The following GRXCR2 variants were observed in gnomAD, a reference collection of about 807,000 sequenced individuals.
The protein encoded by GRXCR2 is glutaredoxin domain-containing cysteine-rich protein 2.
GRXCR2 carries 23 observed loss-of-function variants against 24.8 expected under a neutral mutation model. That is an observed-to-expected ratio of 0.93 (90% CI 0.67 to 1.32). The LOEUF (loss-of-function observed/expected upper bound fraction) is 1.32. Among genes scored for constraint, GRXCR2 ranks in the 40% most tolerant of loss-of-function variants. The probability of loss-of-function intolerance (pLI) is 0.00; values close to 1 mark genes in which losing one functional copy is unlikely to be tolerated. For missense variants in GRXCR2, 315 were observed against 303.4 expected (o/e 1.04, Z -0.28); for synonymous variants, 130 against 116.1 (o/e 1.12, Z -0.77).
chr5:145,926,595 G>A (rs960421314), intron 2 of GRXCR2, among the ~76,000 whole-genome samples: 2 of 152,032 alleles, frequency 1.3e-5, no homozygotes, highest in African/African-American at 2.4e-5. Context: ...ATATCTCTGT[G>A]TTGGTACCAG....
At chr5:145,895,129 G>A (rs56328607) in intron 2 of GRXCR2, among the ~76,000 whole-genome samples, 1,557 of 152,050 alleles carry the variant, frequency 0.01, 32 homozygotes, top group African/African-American at 0.035. Flanking sequence ...TTGATGGGAC[G>A]TATCTCAAAA....
At chr5:145,899,154 T>C (rs1756991303) in intron 2 of GRXCR2, among the ~76,000 whole-genome samples, 1 of 152,054 alleles carries the variant, frequency 6.6e-6, no homozygotes, top group African/African-American at 2.4e-5. Flanking sequence ...CAATCCCATT[T>C]ACAATAGCCA....
At chr5:145,903,039 T>C (rs1456445239) in intron 2 of GRXCR2, among the ~76,000 whole-genome samples, 4 of 152,178 alleles carry the variant, frequency 2.6e-5, no homozygotes, top group African/African-American at 9.7e-5. Context: ...TATGATTTTT[T>C]GCCTTAGAAC....
upstream of GRXCR2, among the ~76,000 whole-genome samples, chr5:145,875,111 G>C (rs1242152462): frequency 6.6e-6 from 1 of 152,158 alleles, no homozygotes; most frequent in Non-Finnish European, 1.5e-5. Flanking sequence ...GTCAGAAGTT[G>C]TCCTTACTAT....
chr5:145,877,754 G>A (rs180945932), upstream of GRXCR2, among the ~76,000 whole-genome samples: 334 of 152,326 alleles, frequency 2.2e-3, 2 homozygotes, highest in African/African-American at 7.5e-3. Context: ...AAAGCAGGGC[G>A]GGGCATTCCC....
rs965136657 is a variant in GRXCR2, at chr5:145,903,039, TG to T, written c.-70+32661del. ...ACTCCTACATATCCCTATGATTTTT[TG>T]CCTTAGAACAAATAAGCACTGACTA... On this transcript the variant is annotated intron_variant, in intron 2 of 3. Coordinates refer to the GRXCR2 transcript ENST00000639411. 2.6e-4 allele frequency among the ~76,000 whole-genome samples: 40 copies of T among 152,296 alleles called. No homozygotes were observed. In the East Asian group the frequency reaches 7.5e-3, roughly 29 times the overall value.
chr5:145,894,086 G>A (rs1446827461), intron 2 of GRXCR2, among the ~76,000 whole-genome samples: 9 of 151,966 alleles, frequency 5.9e-5, no homozygotes, highest in Non-Finnish European at 1.2e-4. Flanking sequence ...TGAAACCAAC[G>A]AGAACAAAGA....
At chr5:145,862,467 C>A (rs1756354954) in intron 2 of GRXCR2, among the ~76,000 whole-genome samples, 1 of 152,192 alleles carries the variant, frequency 6.6e-6, no homozygotes, top group African/African-American at 2.4e-5. Flanking sequence ...TTAATAAGCA[C>A]CACTCTATAC....
chr5:145,875,452 A>T (rs148988261), upstream of GRXCR2, among the ~76,000 whole-genome samples: 1 of 151,910 alleles, frequency 6.6e-6, no homozygotes, highest in Non-Finnish European at 1.5e-5. Flanking sequence ...GGGAGGCTAG[A>T]GCAGGAGAAT....
chr5:145,884,783 C>A (rs1166108692), intron 2 of GRXCR2, among the ~76,000 whole-genome samples: 1 of 152,052 alleles, frequency 6.6e-6, no homozygotes, highest in Non-Finnish European at 1.5e-5. Flanking sequence ...AAAAAATATT[C>A]ACAGACACCT....
intron 2 of GRXCR2, among the ~76,000 whole-genome samples, chr5:145,894,279 A>C (rs1056116249): frequency 3.9e-5 from 6 of 152,228 alleles, no homozygotes. Context: ...GAAATAACTA[A>C]GATCAGAGCA....
intron 2 of GRXCR2, among the ~76,000 whole-genome samples, chr5:145,917,825 G>A (rs1757262005): frequency 6.6e-6 from 1 of 152,168 alleles, no homozygotes; most frequent in Non-Finnish European, 1.5e-5. Flanking sequence ...TTGTCACCAG[G>A]CTGGAGGGCA....
chr5:145,879,900 C>T (rs141231750), intron 2 of GRXCR2, among the ~76,000 whole-genome samples: 2,070 of 152,192 alleles, frequency 0.014, 59 homozygotes, highest in African/African-American at 0.047. Context: ...CACTCAAAAC[C>T]GCACAACTAC....
intron 2 of GRXCR2, among the ~76,000 whole-genome samples, chr5:145,865,405 G>A (rs1756412597): frequency 6.6e-6 from 1 of 152,178 alleles, no homozygotes; most frequent in Non-Finnish European, 1.5e-5. Flanking sequence ...GGTTTCCAAG[G>A]TGGTGCGTGC....
Position 145,893,851 on chromosome 5 carries a change from T to C in GRXCR2, c.-69-27123A>G, listed in dbSNP as rs140770398. 5.0e-3 allele frequency among the ~76,000 whole-genome samples: 761 copies of C among 152,158 alleles called. 6 individuals carry two copies. The highest frequency in any genetic ancestry group is 0.017 in the African/African-American group (714 of 41,524). ...ATGCATTCTTTTCAGCACCACACCATACCTATTCCAAAATTGACCACATAG... is the reference window on the plus strand; with the variant it reads ...ATGCATTCTTTTCAGCACCACACCACACCTATTCCAAAATTGACCACATAG... On this transcript the variant is annotated intron_variant, in intron 2 of 3. Coordinates refer to the GRXCR2 transcript ENST00000639411.
intron 2 of GRXCR2, among the ~76,000 whole-genome samples, chr5:145,928,172 T>C (rs1212258761): frequency 6.6e-6 from 1 of 151,748 alleles, no homozygotes; most frequent in African/African-American, 2.4e-5. Flanking sequence ...TCACTGGCCA[T>C]CAGAGAAATG....
intron 1 of GRXCR2, among the ~76,000 whole-genome samples, chr5:145,872,037 C>A (rs1756538991): frequency 1.3e-5 from 2 of 152,200 alleles, no homozygotes; most frequent in Admixed American, 6.6e-5. Context: ...TTCAATCGAA[C>A]CATTAGCTCA....
chr5:145,916,619 T>C (rs968478741), intron 2 of GRXCR2, among the ~76,000 whole-genome samples: 3 of 152,204 alleles, frequency 2.0e-5, no homozygotes, highest in South Asian at 2.1e-4. Flanking sequence ...GACAGATCTA[T>C]ATAATCTCAT....
chr5:145,871,405 G>T (rs1756529389), intron 1 of GRXCR2, among the ~76,000 whole-genome samples: 1 of 152,102 alleles, frequency 6.6e-6, no homozygotes, highest in Admixed American at 6.6e-5. Context: ...TGTACCCAAT[G>T]ACCCTGTAGT....
Sources: allele counts gnomAD v4.1 joint callset (sites outside exome capture counted in the v4.1 genomes callset), GRCh38; gene constraint gnomAD v4.1.1; transcripts MANE v1.5; gene names NCBI Gene and HGNC (gene_info 2026-07-23, HGNC 2026-07-21).